The following SEC61A2 variants were observed in gnomAD, a reference collection of about 807,000 sequenced individuals.
SEC61A2 encodes protein transport protein Sec61 subunit alpha isoform 2.
A neutral mutation model predicts 59.9 loss-of-function variants in SEC61A2; 28 were observed. The ratio of observed to expected loss-of-function variants is 0.47; its 90% CI spans 0.35 to 0.64. The LOEUF (loss-of-function observed/expected upper bound fraction) is 0.64, where lower values mean the gene tolerates loss of function less well. Among genes scored for constraint, SEC61A2 ranks in the 30% least tolerant of loss-of-function variants. The pLI is 0.01. For synonymous variants in SEC61A2, 202 were observed against 214.4 expected (o/e 0.94, Z 0.50); for missense variants, 340 against 585.9 (o/e 0.58, Z 4.33).
rs1001058073 is a variant in SEC61A2 at position 12,155,538 on chromosome 10, A to G, written c.463-240A>G. 4.8e-5 allele frequency: 33 copies of G among 680,690 alleles called. No homozygotes were observed. The African/African-American group carries it at 5.6e-4, about 12-fold the overall frequency. The allele number at this position is 680,690 out of a possible 1,614,324, so 42.2% of individuals were successfully genotyped here. On this transcript the variant is annotated intron_variant, in intron 6 of 11. Transcript: ENST00000298428. The surrounding 1 kb of genome is among the most constrained non-coding windows in gnomAD (Gnocchi z 4.3). ...AAACTATTCAGATAAGTGTAAATAG[A>G]CTTTAAAAGTTGAAATGTCTGCTTT...
chr10:12,158,139 T>G lies in SEC61A2; in HGVS notation c.975+34T>G. On this transcript the variant is annotated intron_variant, in intron 9 of 11. Coordinates refer to ENST00000298428, the MANE Select transcript of SEC61A2 (RefSeq NM_018144.4). The surrounding 1 kb of genome is among the most constrained non-coding windows in gnomAD (Gnocchi z 5.7). ...TATGTTTATTTACATTATTTATAGT[T>G]TATTATAATTTGCATTTCATGGTTG... is the stretch of plus-strand genomic sequence containing the variant. 1 of 1,486,122 alleles carries G rather than the reference T, an allele frequency of 6.7e-7. No homozygotes were observed. The highest frequency in any genetic ancestry group is 9.3e-7 in the Non-Finnish European group (1 of 1,078,586). The allele number at this position is 1,486,122 out of a possible 1,614,324, so 92.1% of individuals were successfully genotyped here.
intron 2 of SEC61A2, among the ~76,000 whole-genome samples, chr10:12,133,517 T>C (rs1368407804): frequency 2.0e-5 from 3 of 152,254 alleles, no homozygotes; most frequent in Non-Finnish European, 4.4e-5. Flanking sequence ...AAAATGACTG[T>C]TCTTTAAGTT....
At position 12,165,280 on chromosome 10, in the gene SEC61A2, C is replaced by T. The variant is rs575123771; in HGVS notation, c.*826C>T. On this transcript the variant is annotated 3_prime_UTR_variant, in exon 12 of 12. Coordinates refer to ENST00000298428, the MANE Select transcript of SEC61A2 (RefSeq NM_018144.4). Reference sequence around the variant, plus strand: ...AGTGGGGGTGAACAATGAATATATTCATGCTAGGAATTTGTGTCTGTTGTT... The same window carrying T: ...AGTGGGGGTGAACAATGAATATATTTATGCTAGGAATTTGTGTCTGTTGTT... 42 of 985,362 alleles carry T rather than the reference C, an allele frequency of 4.3e-5. No individual in the cohort carries two copies. In the African/African-American group the frequency reaches 6.6e-4, roughly 16 times the overall value. 61.0% of individuals were successfully genotyped at this position (985,362 alleles called of 1,614,324 possible).
At chr10:12,140,363 A>G (rs1833990783) in intron 3 of SEC61A2, among the ~76,000 whole-genome samples, 1 of 152,206 alleles carries the variant, frequency 6.6e-6, no homozygotes, top group Non-Finnish European at 1.5e-5. Flanking sequence ...GAACTCTGCA[A>G]CTGTGACAGA....
intron 9 of SEC61A2, among the ~76,000 whole-genome samples, chr10:12,159,734 C>T (rs1302674056): frequency 6.6e-6 from 1 of 152,056 alleles, no homozygotes; most frequent in East Asian, 1.9e-4. Flanking sequence ...TATTCTTTGC[C>T]ACAGTAGGTA....
chr10:12,165,977 A>T (rs1208853077), downstream of SEC61A2: 1 of 152,242 alleles, frequency 6.6e-6, no homozygotes, highest in African/African-American at 2.4e-5. Flanking sequence ...CAGTTTTTAA[A>T]TGCAGGGCAA....
In SEC61A2 at chr10:12,162,329, G is replaced by T. The variant is rs1363931131; in HGVS notation, c.1244+40G>T. ...CTGACACCTTTATAGGCCTGTGTTT[G>T]TGTTTCAGTCTTTCAGTGTTGGCTA... On this transcript the variant is annotated intron_variant, in intron 11 of 11. Coordinates refer to ENST00000298428, the MANE Select transcript of SEC61A2 (RefSeq NM_018144.4). This position sits in a 1 kb window ranked among gnomAD's most constrained non-coding sequence, Gnocchi z 6.1. The T allele has an allele frequency of 1.3e-6, 2 of 1,492,396 alleles. No homozygotes were observed. Among genetic ancestry groups the T allele is most frequent in the African/African-American group, 2.8e-5 (2 of 72,432 alleles). The allele number at this position is 1,492,396 out of a possible 1,614,324, so 92.4% of individuals were successfully genotyped here.
rs1834345838 is a variant in SEC61A2 at position 12,154,239 on chromosome 10, G to A, written c.463-1539G>A. Among the ~76,000 whole-genome samples the A allele has an allele frequency of 6.6e-6, 1 of 152,102 alleles. No homozygotes were observed. Reference sequence around the variant, plus strand: ...ACTGGCTTTTATTCCCTTAATTATAGAAACCGTTTCTCATTTCTGTATAAT... The same window carrying A: ...ACTGGCTTTTATTCCCTTAATTATAAAAACCGTTTCTCATTTCTGTATAAT... On this transcript the variant is annotated intron_variant, in intron 6 of 11. Transcript: ENST00000298428. The surrounding 1 kb of genome is among the most constrained non-coding windows in gnomAD (Gnocchi z 5.2).
chr10:12,136,413 T>C lies in SEC61A2; in HGVS notation c.141+243T>C, dbSNP rs138046531. Among the ~76,000 whole-genome samples, 392 of 147,772 alleles carry C rather than the reference T, an allele frequency of 2.7e-3. 1 individual carries two copies. Among genetic ancestry groups the C allele is most frequent in the African/African-American group, 9.4e-3 (375 of 40,004 alleles). On this transcript the variant is annotated intron_variant, in intron 3 of 11. Coordinates refer to ENST00000298428, the MANE Select transcript of SEC61A2 (RefSeq NM_018144.4). ...ACCTCTGCCTCCTGGGTTCAAGTGA[T>C]TCTTCTTCCTTGGCCTCCCAAGTAG...
chr10:12,153,924 G>A lies in SEC61A2; in HGVS notation c.463-1854G>A, dbSNP rs1208616834. 24 of 1,012,262 alleles carry A rather than the reference G, an allele frequency of 2.4e-5. No individual in the cohort carries two copies. In the East Asian group the frequency reaches 5.7e-4, roughly 24 times the overall value. The allele number at this position is 1,012,262 out of a possible 1,614,324, so 62.7% of individuals were successfully genotyped here. A position where few individuals can be genotyped will look rare whatever the true frequency, so the allele number is the denominator to read the frequency against. Reference sequence around the variant, plus strand: ...GCTAGTGAGTTTAGAAATCTACATAGCAGGTCTTGACTAAAAATTTTAAAA... The same window carrying A: ...GCTAGTGAGTTTAGAAATCTACATAACAGGTCTTGACTAAAAATTTTAAAA... On this transcript the variant is annotated intron_variant, in intron 6 of 11. Coordinates refer to ENST00000298428, the MANE Select transcript of SEC61A2 (RefSeq NM_018144.4). The surrounding 1 kb of genome is among the most constrained non-coding windows in gnomAD (Gnocchi z 5.2).
chr10:12,152,281 T>G lies in SEC61A2; in HGVS notation c.462+2320T>G, dbSNP rs544238146. 1.9e-4 allele frequency among the ~76,000 whole-genome samples: 29 copies of G among 152,160 alleles called. No homozygotes were observed. In the South Asian group the frequency reaches 6.0e-3, roughly 32 times the overall value. ...TTTTAGTAGAGATGGGATTTTGCCG[T>G]GTTGGCCAGGCTGGTCTTGAACTTC... On this transcript the variant is annotated intron_variant, in intron 6 of 11. Coordinates refer to ENST00000298428, the MANE Select transcript of SEC61A2 (RefSeq NM_018144.4). This position sits in a 1 kb window ranked among gnomAD's most constrained non-coding sequence, Gnocchi z 5.5.
downstream of SEC61A2, chr10:12,167,034 C>T (rs994458151): frequency 2.1e-5 from 4 of 188,448 alleles, no homozygotes; most frequent in Non-Finnish European, 3.4e-5. Flanking sequence ...TCCTCAAGCA[C>T]GTGCAGATGC....
chr10:12,155,763 T>C lies in SEC61A2; in HGVS notation c.463-15T>C. The stretch of plus-strand genomic sequence containing the variant: ...TTGTTCTTGCTTCCGCTTACTTGCA[T>C]TTCTTTCCCCACAGTTGTTTGTTGC... On this transcript the variant is annotated splice_polypyrimidine_tract_variant and intron_variant, in intron 6 of 11. Transcript: ENST00000298428. This position sits in a 1 kb window ranked among gnomAD's most constrained non-coding sequence, Gnocchi z 4.3. 1 of 1,614,004 alleles carries C rather than the reference T, an allele frequency of 6.2e-7. No homozygotes were observed. Among genetic ancestry groups the C allele is most frequent in the Non-Finnish European group, 8.5e-7 (1 of 1,179,824 alleles).
rs760404105 is a variant in SEC61A2 at position 12,165,139 on chromosome 10, T to C, written c.*685T>C. ...TCGTGCTGTTTGCCTGTATTGGCTATGCCTTCTAACTCCAACCAGTCACTT... is the reference window on the plus strand; with the variant it reads ...TCGTGCTGTTTGCCTGTATTGGCTACGCCTTCTAACTCCAACCAGTCACTT... On this transcript the variant is annotated 3_prime_UTR_variant, in exon 12 of 12. Transcript: ENST00000298428. 4.9e-5 allele frequency: 48 copies of C among 985,636 alleles called. No homozygotes were observed. The highest frequency in any genetic ancestry group is 5.4e-5 in the Non-Finnish European group (45 of 829,984). 61.1% of individuals were successfully genotyped at this position (985,636 alleles called of 1,614,324 possible).
rs1188733602 is a variant in SEC61A2 at position 12,164,699 on chromosome 10, A to G, written c.*245A>G. 3 of 1,279,398 alleles carry G rather than the reference A, an allele frequency of 2.3e-6. No individual in the cohort carries two copies. The highest frequency in any genetic ancestry group is 2.0e-6 in the Non-Finnish European group (2 of 1,014,218). 79.3% of individuals were successfully genotyped at this position (1,279,398 alleles called of 1,614,324 possible). A position where few individuals can be genotyped will look rare whatever the true frequency, so the allele number is the denominator to read the frequency against. The stretch of plus-strand genomic sequence containing the variant: ...TCTAGTGTTGCCTGTAATGCTGGAA[A>G]CCAGTGTATCTACCTTGCTGTGTTA... On this transcript the variant is annotated 3_prime_UTR_variant, in exon 12 of 12. Coordinates refer to ENST00000298428, the MANE Select transcript of SEC61A2 (RefSeq NM_018144.4). This position sits in a 1 kb window ranked among gnomAD's most constrained non-coding sequence, Gnocchi z 7.3.
rs1834393454 is a variant in SEC61A2, at chr10:12,156,222, T to C, written c.616+291T>C. 6.6e-6 allele frequency among the ~76,000 whole-genome samples: 1 copy of C among 152,236 alleles called. No homozygotes were observed. The highest frequency in any genetic ancestry group is 1.5e-5 in the Non-Finnish European group (1 of 68,036). ...TTAAGGCATTGCTGCAGAAGTCATT[T>C]ATTTGACTGATTTCAGCATCCGTAG... On this transcript the variant is annotated intron_variant, in intron 7 of 11. Transcript: ENST00000298428. This position sits in a 1 kb window ranked among gnomAD's most constrained non-coding sequence, Gnocchi z 5.2.
Position 12,164,558 on chromosome 10 carries a change from T to C in SEC61A2, c.*104T>C. ...TCCCCTTTTCTCCCCTCACAGTTTCTTGTTTCGAGTGCTGACTGACCCGTT... is the reference window on the plus strand; with the variant it reads ...TCCCCTTTTCTCCCCTCACAGTTTCCTGTTTCGAGTGCTGACTGACCCGTT... On this transcript the variant is annotated 3_prime_UTR_variant, in exon 12 of 12. Transcript: ENST00000298428. The surrounding 1 kb of genome is among the most constrained non-coding windows in gnomAD (Gnocchi z 7.3). The C allele has an allele frequency of 6.7e-7, 1 of 1,503,226 alleles. No homozygotes were observed. Among genetic ancestry groups the C allele is most frequent in the African/African-American group, 1.4e-5 (1 of 71,266 alleles). The allele number at this position is 1,503,226 out of a possible 1,614,324, so 93.1% of individuals were successfully genotyped here.
At chr10:12,144,509 G>A (rs151020076) in intron 4 of SEC61A2, among the ~76,000 whole-genome samples, 2 of 152,266 alleles carry the variant, frequency 1.3e-5, no homozygotes, top group East Asian at 3.9e-4. Flanking sequence ...AGTTCATATT[G>A]TGTGTCAGCC....
chr10:12,146,347 C>G (rs1463196797), intron 4 of SEC61A2, among the ~76,000 whole-genome samples: 2 of 151,976 alleles, frequency 1.3e-5, no homozygotes, highest in Non-Finnish European at 2.9e-5. Context: ...TTCCAGATGC[C>G]CAGGGTTCTC....
Sources: gnomAD v4.1 joint callset for allele counts (sites outside exome capture counted in the v4.1 genomes callset) on GRCh38, gnomAD v4.1.1 for gene constraint, Gnocchi (gnomAD v3.1) non-coding constraint, MANE v1.5 for transcripts, NCBI Gene and HGNC (gene_info 2026-07-23, HGNC 2026-07-21) for gene names.